The following GLDC variants were observed in gnomAD, a reference collection of about 807,000 sequenced individuals.
GLDC encodes the protein glycine dehydrogenase (decarboxylating), mitochondrial.
In GLDC, 104 loss-of-function variants were observed where a neutral mutation model predicts 121.3. That is an observed-to-expected ratio of 0.86 (90% CI 0.73 to 1.01). The LOEUF (loss-of-function observed/expected upper bound fraction) is 1.01. Among genes scored for constraint, GLDC ranks in the 50% least tolerant of loss-of-function variants. The pLI is 0.00. For missense variants in GLDC, 1,429 were observed against 1,306.6 expected (o/e 1.09, Z -1.44); for synonymous variants, 546 against 480.6 (o/e 1.14, Z -1.78).
rs111326356 is a variant in GLDC at position 6,532,760 on chromosome 9, C to G, written c.*257G>C. The G allele has an allele frequency of 4.2e-6, 2 of 473,372 alleles. No homozygotes were observed. Among genetic ancestry groups the G allele is most frequent in the Admixed American group, 3.3e-5 (1 of 29,988 alleles). 29.3% of individuals were successfully genotyped at this position (473,372 alleles called of 1,614,324 possible). A position where few individuals can be genotyped will look rare whatever the true frequency, so the allele number is the denominator to read the frequency against. ...AAGTTAAAGTTCCTAAAACTTTCTA[C>G]GCAAAACACAAAATGGCTCCCAATC... On this transcript the variant is annotated 3_prime_UTR_variant, in exon 25 of 25. Transcript: ENST00000321612.
chr9:6,575,014 A>G (rs1818036504), intron 15 of GLDC, among the ~76,000 whole-genome samples: 1 of 152,064 alleles, frequency 6.6e-6, no homozygotes, highest in Non-Finnish European at 1.5e-5. Context: ...GATGCACATT[A>G]GAATTAGAGA....
chr9:6,582,620 G>A (rs1818192646), intron 15 of GLDC, among the ~76,000 whole-genome samples: 1 of 152,008 alleles, frequency 6.6e-6, no homozygotes, highest in Non-Finnish European at 1.5e-5. Context: ...ACGAGGTCAG[G>A]AGATCGAGAC....
chr9:6,534,824 C>G (rs1817085946), intron 23 of GLDC, 36 bp from the exon 24 acceptor site: 1 of 1,114,296 alleles, frequency 9.0e-7, no homozygotes, highest in Non-Finnish European at 1.4e-6. Context: ...GGGGTCAGAG[C>G]AATACACTCT....
At chr9:6,644,404 C>A in intron 2 of GLDC, 1 of 616,326 alleles carries the variant, frequency 1.6e-6, no homozygotes, top group Admixed American at 2.7e-5. Context: ...AACCGCACAA[C>A]ACCGACTCTC....
intron 15 of GLDC, among the ~76,000 whole-genome samples, chr9:6,566,869 G>A (rs189947494): frequency 3.3e-4 from 51 of 152,272 alleles, no homozygotes; most frequent in Non-Finnish European, 2.9e-5. Flanking sequence ...AAATGTGTAT[G>A]TTCTCCATGC....
intron 16 of GLDC, among the ~76,000 whole-genome samples, chr9:6,561,008 C>A (rs2129743427): frequency 6.6e-6 from 1 of 152,352 alleles, no homozygotes; most frequent in South Asian, 2.1e-4. Flanking sequence ...AGGAGGCCTG[C>A]AGATGCCAGG....
At chr9:6,584,615 T>A (rs917556473) in intron 15 of GLDC, among the ~76,000 whole-genome samples, 1 of 152,210 alleles carries the variant, frequency 6.6e-6, no homozygotes, top group Non-Finnish European at 1.5e-5. Context: ...AGACATCAAA[T>A]TGCTTTACTC....
rs1554643738 is a variant in GLDC at position 6,554,667 on chromosome 9, A to T, written c.2315+2T>A. 14 of 1,602,200 alleles carry T rather than the reference A, an allele frequency of 8.7e-6. No individual in the cohort carries two copies. Among genetic ancestry groups the T allele is most frequent in the Non-Finnish European group, 1.2e-5 (14 of 1,171,504 alleles). ...TCCTGAAACCAGCAGCCCAGAACTT[A>T]CACTCCGATGGGCCCCATGCCAGGA... On this transcript the variant is annotated splice_donor_variant, in intron 19 of 24. Transcript: ENST00000321612. LOFTEE classifies it high-confidence loss of function.
chr9:6,645,099 A>T, intron 1 of GLDC, 146 bp downstream of exon 1: 1 of 760,728 alleles, frequency 1.3e-6, no homozygotes, highest in African/African-American at 1.8e-5. Context: ...AAAGGCACGA[A>T]TTTGCTTCCA....
At chr9:6,573,062 C>T (rs550554589) in intron 15 of GLDC, among the ~76,000 whole-genome samples, 8 of 152,248 alleles carry the variant, frequency 5.3e-5, no homozygotes, top group East Asian at 1.9e-4. Context: ...CCATCTGTCA[C>T]GTGGACATAA....
Position 6,604,651 on chromosome 9 carries a change from G to C in GLDC, c.995C>G (p.Ala332Gly). The C allele has an allele frequency of 1.2e-6, 2 of 1,613,944 alleles. No individual in the cohort carries two copies. Among genetic ancestry groups the C allele is most frequent in the Non-Finnish European group, 1.7e-6 (2 of 1,180,006 alleles). The part of the protein sequence containing the change: ...VPLGYGGPHA[A>G]FFAVRESLVR... ...CAAGCTTTCTCGGACAGCAAAAAAT[G>C]CTGCATGGGGTCCCCCATAGCCCAG... Residue 332 changes from alanine to glycine, a missense_variant, in exon 7 of 25, where the codon GCA (alanine) becomes GGA (glycine). Ala to Gly is a moderately conservative substitution (Grantham distance 60). Coordinates refer to ENST00000321612, the MANE Select transcript of GLDC (RefSeq NM_000170.3).
At position 6,532,869 on chromosome 9, in the gene GLDC, T is replaced by C; in HGVS notation, c.*148A>G. On this transcript the variant is annotated 3_prime_UTR_variant, in exon 25 of 25. Transcript: ENST00000321612. ...GCTTCGACTCCCTCCAGCTACTGTA[T>C]TTACATTTACCTTGACAGAGATTAC... The C allele has an allele frequency of 4.1e-6, 3 of 739,090 alleles. No individual in the cohort carries two copies. In the East Asian group the frequency reaches 7.4e-5, roughly 18 times the overall value. 45.8% of individuals were successfully genotyped at this position (739,090 alleles called of 1,614,324 possible). A position where few individuals can be genotyped will look rare whatever the true frequency, so the allele number is the denominator to read the frequency against.
chr9:6,533,401 A>G (rs1230703880), intron 24 of GLDC, among the ~76,000 whole-genome samples: 1 of 152,208 alleles, frequency 6.6e-6, no homozygotes. Flanking sequence ...ACCAGTTTAT[A>G]GCAAAGTTGT....
At chr9:6,608,028 C>A (rs1818771011) in intron 4 of GLDC, among the ~76,000 whole-genome samples, 1 of 151,922 alleles carries the variant, frequency 6.6e-6, no homozygotes. Flanking sequence ...GGGGATGAGG[C>A]AAGAGGATTA....
At chr9:6,587,319 A>T (rs1355199404) in intron 14 of GLDC, 36 bp from the exon 15 acceptor site, 6 of 1,462,484 alleles carry the variant, frequency 4.1e-6, no homozygotes, top group Non-Finnish European at 5.8e-6. Context: ...ATATATACAT[A>T]TTATAATAGC....
At position 6,551,816 on chromosome 9, in the gene GLDC, C is replaced by A. The variant is rs140828108; in HGVS notation, c.2458-902G>T. 2.7e-4 allele frequency among the ~76,000 whole-genome samples: 41 copies of A among 152,238 alleles called. 1 individual carries two copies. In the East Asian group the frequency reaches 7.9e-3, roughly 29 times the overall value. On this transcript the variant is annotated intron_variant, in intron 20 of 24. Coordinates refer to ENST00000321612, the MANE Select transcript of GLDC (RefSeq NM_000170.3). Reference sequence around the variant, plus strand: ...CTGTCATCTGGGAGTGGATGTAGGGCAAGGTGAGTTGTGACTCCATTTTTA... The same window carrying A: ...CTGTCATCTGGGAGTGGATGTAGGGAAAGGTGAGTTGTGACTCCATTTTTA...
At chr9:6,644,804 T>C (rs1373930447) in intron 1 of GLDC, 112 bp from the exon 2 acceptor site, 4 of 758,026 alleles carry the variant, frequency 5.3e-6, no homozygotes, top group Non-Finnish European at 9.3e-6. Context: ...CTAATTAGGG[T>C]TCTTTTTAAA....
chr9:6,636,167 G>A lies in GLDC; in HGVS notation c.334+8447C>T, dbSNP rs186866665. On this transcript the variant is annotated intron_variant, in intron 2 of 24. Transcript: ENST00000321612. ...AAAGATACAAAAATTAGCCAGGCGTGATAGTTCATGCCTGTAGTCTCGCCT... is the reference window on the plus strand; with the variant it reads ...AAAGATACAAAAATTAGCCAGGCGTAATAGTTCATGCCTGTAGTCTCGCCT... Among the ~76,000 whole-genome samples the A allele has an allele frequency of 4.8e-3, 727 of 152,238 alleles. 8 individuals are homozygous for A. Among genetic ancestry groups the A allele is most frequent in the African/African-American group, 0.017 (690 of 41,550 alleles).
chr9:6,630,379 C>T (rs1158266260), intron 2 of GLDC, among the ~76,000 whole-genome samples: 1 of 152,142 alleles, frequency 6.6e-6, no homozygotes, highest in African/African-American at 2.4e-5. Flanking sequence ...CATCAGTAGG[C>T]CATCCACAGA....
Sources: gnomAD v4.1 joint callset for allele counts (sites outside exome capture counted in the v4.1 genomes callset) on GRCh38, gnomAD v4.1.1 for gene constraint, MANE v1.5 for transcripts, NCBI Gene and HGNC (gene_info 2026-07-23, HGNC 2026-07-21) for gene names.